AADACL2: variants seen among roughly 807,000 people sequenced by gnomAD.
The protein encoded by AADACL2 is arylacetamide deacetylase-like 2.
In AADACL2, 23 loss-of-function variants were observed where a neutral mutation model predicts 22.3. That is an observed-to-expected ratio of 1.03 (90% CI 0.74 to 1.46). The LOEUF (loss-of-function observed/expected upper bound fraction) is 1.46, where lower values mean the gene tolerates loss of function less well. AADACL2 is among the 40% of genes most tolerant of loss of function. The probability of loss-of-function intolerance (pLI) is 0.00; values close to 1 mark genes in which losing one functional copy is unlikely to be tolerated. For missense variants in AADACL2, 472 were observed against 482.9 expected (o/e 0.98, Z 0.21); for synonymous variants, 177 against 166.2 (o/e 1.07, Z -0.50).
In AADACL2 at chr3:151,759,456, C is replaced by A. The variant is rs182736630; in HGVS notation, c.*1862C>A. On this transcript the variant is annotated 3_prime_UTR_variant, in exon 5 of 5. Transcript: ENST00000356517. Reference sequence around the variant, plus strand: ...TTCACAGTGATTCCTGACTAAAAATCCTTTTAATTTTGTAAGCACTACACT... The same window carrying A: ...TTCACAGTGATTCCTGACTAAAAATACTTTTAATTTTGTAAGCACTACACT... 14 of 152,234 alleles carry A rather than the reference C, an allele frequency of 9.2e-5. No homozygotes were observed. Among genetic ancestry groups the A allele is most frequent in the Admixed American group, 8.5e-4 (13 of 15,286 alleles). 9.4% of individuals were successfully genotyped at this position (152,234 alleles called of 1,614,324 possible).
chr3:151,740,925 C>T (rs1255465761), intron 2 of AADACL2, 57 bp downstream of exon 2: 2 of 1,414,868 alleles, frequency 1.4e-6, no homozygotes, highest in East Asian at 4.8e-5. Context: ...GATATAAGAA[C>T]TATTTTATAT....
Position 151,738,244 on chromosome 3 carries a change from T to C in AADACL2, c.139-2402T>C, listed in dbSNP as rs184510702. ...GTCTGGAAAAGATTTCATTTCTCCTTTGCTTACGAAGCTTAGTTTGGCTGG... is the reference window on the plus strand; with the variant it reads ...GTCTGGAAAAGATTTCATTTCTCCTCTGCTTACGAAGCTTAGTTTGGCTGG... On this transcript the variant is annotated intron_variant, in intron 1 of 4. Coordinates refer to ENST00000356517, the MANE Select transcript of AADACL2 (RefSeq NM_207365.4). Among the ~76,000 whole-genome samples the C allele has an allele frequency of 1.9e-4, 29 of 152,328 alleles. No homozygotes were observed. In the East Asian group the frequency reaches 5.4e-3, roughly 28 times the overall value.
At chr3:151,749,646 C>A (rs186185063) in intron 4 of AADACL2, among the ~76,000 whole-genome samples, 1 of 151,976 alleles carries the variant, frequency 6.6e-6, no homozygotes, top group Non-Finnish European at 1.5e-5. Flanking sequence ...TCATGCCTGG[C>A]TAATTTTTGT....
At chr3:151,752,355 C>T (rs1308098258) in intron 4 of AADACL2, among the ~76,000 whole-genome samples, 1 of 152,196 alleles carries the variant, frequency 6.6e-6, no homozygotes, top group African/African-American at 2.4e-5. Flanking sequence ...AGGACACATA[C>T]ATTACCCTGT....
chr3:151,754,313 A>G (rs1560287060), intron 4 of AADACL2, among the ~76,000 whole-genome samples: 1 of 152,146 alleles, frequency 6.6e-6, no homozygotes, highest in East Asian at 1.9e-4. Flanking sequence ...TCAAAAGTAT[A>G]AACTTAGGAG....
Position 151,745,725 on chromosome 3 carries a change from C to T in AADACL2, c.603+45C>T, listed in dbSNP as rs1416950699. The T allele has an allele frequency of 2.0e-6, 3 of 1,526,998 alleles. No individual in the cohort carries two copies. The South Asian group carries it at 3.8e-5, about 20-fold the overall frequency. 94.6% of individuals were successfully genotyped at this position (1,526,998 alleles called of 1,614,324 possible). A position where few individuals can be genotyped will look rare whatever the true frequency, so the allele number is the denominator to read the frequency against. On this transcript the variant is annotated intron_variant, in intron 4 of 4. Coordinates refer to ENST00000356517, the MANE Select transcript of AADACL2 (RefSeq NM_207365.4). ...ATGATAGGAGGCAGAAATTGAGGCTCATTTTTTTTCTATAGATAATTCAGT... is the reference window on the plus strand; with the variant it reads ...ATGATAGGAGGCAGAAATTGAGGCTTATTTTTTTTCTATAGATAATTCAGT...
rs1576619246 is a variant in AADACL2 at position 151,757,020 on chromosome 3, A to C, written c.632A>C (p.Lys211Thr). 6.2e-7 allele frequency: 1 copy of C among 1,606,878 alleles called. No homozygotes were observed. Among genetic ancestry groups the C allele is most frequent in the East Asian group, 2.2e-5 (1 of 44,826 alleles). Residue 211 changes from lysine (K) to threonine (T), a missense_variant, in exon 5 of 5, where the codon AAA (lysine) becomes ACA (threonine). Transcript: ENST00000356517. ...CAGAATGATGCTGAAATAAAACATA[A>C]AATCAAGATGCAAGTCTTACTTTAC... ...QVQNDAEIKH[K>T]IKMQVLLYPG...
rs1246400225 is a variant in AADACL2, at chr3:151,758,346, G to C, written c.*752G>C. The C allele has an allele frequency of 6.6e-6, 1 of 150,852 alleles. No individual in the cohort carries two copies. The highest frequency in any genetic ancestry group is 1.5e-5 in the Non-Finnish European group (1 of 67,988). The allele number at this position is 150,852 out of a possible 1,614,324, so 9.3% of individuals were successfully genotyped here. On this transcript the variant is annotated 3_prime_UTR_variant, in exon 5 of 5. Transcript: ENST00000356517. ...CTAATCTCCCTATGGGCTTCTCTTA[G>C]AAAAACACATGTGTTTACATTTAGG...
In AADACL2 at chr3:151,758,104, C is replaced by A. The variant is rs954545870; in HGVS notation, c.*510C>A. 1 of 152,774 alleles carries A rather than the reference C, an allele frequency of 6.5e-6. No homozygotes were observed. Among genetic ancestry groups the A allele is most frequent in the Non-Finnish European group, 1.5e-5 (1 of 68,544 alleles). 9.5% of individuals were successfully genotyped at this position (152,774 alleles called of 1,614,324 possible). ...ATTTATTCTTTTACAGTTCTGGGGT[C>A]CTAAAGCATGAAATTAGTATTAACT... On this transcript the variant is annotated 3_prime_UTR_variant, in exon 5 of 5. Coordinates refer to ENST00000356517, the MANE Select transcript of AADACL2 (RefSeq NM_207365.4).
chr3:151,756,007 T>C lies in AADACL2; in HGVS notation c.604-985T>C, dbSNP rs76331734. ...GAAGTACACTGTAGAGATGGTAGGA[T>C]ACCATTTCCCTTTCTGAGGTACCTC... On this transcript the variant is annotated intron_variant, in intron 4 of 4. Transcript: ENST00000356517. Among the ~76,000 whole-genome samples the C allele has an allele frequency of 2.5e-4, 38 of 152,290 alleles. No individual in the cohort carries two copies. The East Asian group carries it at 6.8e-3, about 27-fold the overall frequency.
chr3:151,756,367 T>C (rs2107991949), intron 4 of AADACL2, among the ~76,000 whole-genome samples: 1 of 152,240 alleles, frequency 6.6e-6, no homozygotes, highest in South Asian at 2.1e-4. Flanking sequence ...TCTCCAACAC[T>C]GCATCATTCT....
At chr3:151,749,120 T>C (rs1309144573) in intron 4 of AADACL2, among the ~76,000 whole-genome samples, 2 of 152,208 alleles carry the variant, frequency 1.3e-5, no homozygotes, top group East Asian at 3.8e-4. Flanking sequence ...TTGCTTTGTG[T>C]AGTATAGACA....
At chr3:151,740,894 T>A (rs368889428) in intron 2 of AADACL2, 26 bp downstream of exon 2, 2 of 1,595,200 alleles carry the variant, frequency 1.3e-6, no homozygotes, top group Non-Finnish European at 1.7e-6. Flanking sequence ...AAGGAAAAAG[T>A]GTAGCTAGCT....
intron 4 of AADACL2, among the ~76,000 whole-genome samples, chr3:151,756,436 T>C (rs960721148): frequency 2.6e-5 from 4 of 152,056 alleles, no homozygotes; most frequent in Admixed American, 1.3e-4. Flanking sequence ...TGCTTTTGCA[T>C]TGGGATAATG....
intron 1 of AADACL2, among the ~76,000 whole-genome samples, chr3:151,739,224 T>A (rs1217127699): frequency 1.3e-5 from 2 of 152,240 alleles, no homozygotes; most frequent in Non-Finnish European, 2.9e-5. Flanking sequence ...GCTTTTTGTT[T>A]GTTAGTTTTT....
At chr3:151,754,750 C>T (rs192552407) in intron 4 of AADACL2, among the ~76,000 whole-genome samples, 7 of 152,108 alleles carry the variant, frequency 4.6e-5, no homozygotes, top group East Asian at 1.9e-4. Flanking sequence ...AGGACATTAC[C>T]GTGAGCCAGA....
Position 151,757,613 on chromosome 3 carries a change from T to C in AADACL2, c.*19T>C, listed in dbSNP as rs539903037. 4.4e-6 allele frequency: 7 copies of C among 1,578,324 alleles called. No individual in the cohort carries two copies. The highest frequency in any genetic ancestry group is 6.0e-6 in the Non-Finnish European group (7 of 1,161,396). ...TTTATAAATATGTGATGTGTATGTATAGCCCTTACATAGTGGATTGTAATT... is the reference window on the plus strand; with the variant it reads ...TTTATAAATATGTGATGTGTATGTACAGCCCTTACATAGTGGATTGTAATT... On this transcript the variant is annotated 3_prime_UTR_variant, in exon 5 of 5. Transcript: ENST00000356517.
In AADACL2 at chr3:151,759,620, A is replaced by G. The variant is rs907160108; in HGVS notation, c.*2026A>G. ...AGAAAAGCACTTCTTTTTTTGCTAC[A>G]TAAGTATGTGGTAGAAATGTATGCT... is the stretch of plus-strand genomic sequence containing the variant. On this transcript the variant is annotated 3_prime_UTR_variant, in exon 5 of 5. Coordinates refer to ENST00000356517, the MANE Select transcript of AADACL2 (RefSeq NM_207365.4). 9 of 152,226 alleles carry G rather than the reference A, an allele frequency of 5.9e-5. No individual in the cohort carries two copies. Among genetic ancestry groups the G allele is most frequent in the Admixed American group, 3.9e-4 (6 of 15,272 alleles). The allele number at this position is 152,226 out of a possible 1,614,324, so 9.4% of individuals were successfully genotyped here. A position where few individuals can be genotyped will look rare whatever the true frequency, so the allele number is the denominator to read the frequency against.
At chr3:151,742,065 T>C (rs1486389101) in intron 2 of AADACL2, among the ~76,000 whole-genome samples, 1 of 152,166 alleles carries the variant, frequency 6.6e-6, no homozygotes, top group African/African-American at 2.4e-5. Flanking sequence ...CTTTCTAATT[T>C]TCACCAAGAA....
Sources: gnomAD v4.1 joint callset for allele counts (sites outside exome capture counted in the v4.1 genomes callset) on GRCh38, gnomAD v4.1.1 for gene constraint, MANE v1.5 for transcripts, NCBI Gene and HGNC (gene_info 2026-07-23, HGNC 2026-07-21) for gene names.